Variants in TXNDC11 observed in about 807,000 individuals in gnomAD.
The protein encoded by TXNDC11 is thioredoxin domain-containing protein 11.
Under a neutral mutation model 78.0 loss-of-function variants are expected in TXNDC11, and 68 were observed. That is an observed-to-expected ratio of 0.87 (90% CI 0.72 to 1.07). The LOEUF is 1.07. Among genes scored for constraint, TXNDC11 ranks in the 50% least tolerant of loss-of-function variants. TXNDC11 has a pLI of 0.00. For synonymous variants in TXNDC11, 571 were observed against 495.2 expected, an observed-to-expected ratio of 1.15 and a Z score of -2.03; for missense variants, 1,389 against 1,221.8, an observed-to-expected ratio of 1.14 and a Z score of -2.04.
At position 11,691,568 on chromosome 16, in the gene TXNDC11, C is replaced by G. The variant is rs538319553; in HGVS notation, c.1622G>C (p.Cys541Ser). 6.2e-7 allele frequency: 1 copy of G among 1,614,210 alleles called. No homozygotes were observed. The highest frequency in any genetic ancestry group is 2.2e-5 in the East Asian group (1 of 44,892). The change falls in exon 8 of 12, where the codon TGT becomes TCT. Residue 541 changes from cysteine (C) to serine (S), a missense_variant. Cys to Ser is a moderately radical substitution (Grantham distance 112). Coordinates refer to ENST00000283033, the MANE Select transcript of TXNDC11 (RefSeq NM_015914.7). ...TVAFSSLEKK[C>S]EVDAPSSVPH... is the part of the protein sequence containing the mutation. ...AACGGAGCTTGGGGCATCAACCTCA[C>G]ATTTCTTCTCAAGGGAAGAAAATGC...
intron 7 of TXNDC11, 76 bp from the exon 8 acceptor site, chr16:11,692,158 T>G: frequency 8.4e-7 from 1 of 1,189,324 alleles, no homozygotes; most frequent in African/African-American, 1.5e-5. Flanking sequence ...ACGTTTCACT[T>G]TCTGTAATTT....
chr16:11,696,038 A>G (rs932001663), intron 7 of TXNDC11, among the ~76,000 whole-genome samples: 5 of 151,820 alleles, frequency 3.3e-5, no homozygotes, highest in African/African-American at 4.8e-5. Context: ...AAAAAAAAAA[A>G]AGAGAAGACA....
intron 5 of TXNDC11, among the ~76,000 whole-genome samples, chr16:11,711,985 G>T (rs901093803): frequency 6.6e-6 from 1 of 152,016 alleles, no homozygotes; most frequent in Non-Finnish European, 1.5e-5. Context: ...TCTGCACGGA[G>T]CTGTTTGACT....
intron 10 of TXNDC11, 70 bp from the exon 11 acceptor site, chr16:11,684,315 A>C: frequency 8.4e-7 from 1 of 1,183,894 alleles, no homozygotes; most frequent in Non-Finnish European, 1.2e-6. Context: ...GAACCTTCTC[A>C]GATAACTTCA....
intron 5 of TXNDC11, among the ~76,000 whole-genome samples, chr16:11,701,433 G>C (rs527636384): frequency 2.0e-5 from 3 of 151,946 alleles, no homozygotes; most frequent in African/African-American, 7.3e-5. Flanking sequence ...CACCACACTC[G>C]GCCCAATTTC....
rs2051426736 is a variant in TXNDC11 at position 11,713,399 on chromosome 16, G to A, written c.793+8178C>T. Among the ~76,000 whole-genome samples, 4 of 152,118 alleles carry A rather than the reference G, an allele frequency of 2.6e-5. No homozygotes were observed. In the South Asian group the frequency reaches 8.3e-4, roughly 32 times the overall value. On this transcript the variant is annotated intron_variant, in intron 5 of 11. Transcript: ENST00000283033. ...ATTAAACAGTCAGTTTTAGGTGTGG[G>A]GACATAAAGTATGGAATTTTTTTTC... is the stretch of plus-strand genomic sequence containing the variant.
At chr16:11,681,753 G>A (rs2050431113) in intron 11 of TXNDC11, among the ~76,000 whole-genome samples, 4 of 152,338 alleles carry the variant, frequency 2.6e-5, no homozygotes, top group African/African-American at 9.6e-5. Flanking sequence ...GTGCTGGCTG[G>A]AGGAGCACCT....
chr16:11,735,932 T>C (rs1449893765), intron 2 of TXNDC11, 85 bp downstream of exon 2: 7 of 1,362,066 alleles, frequency 5.1e-6, no homozygotes, highest in Non-Finnish European at 6.2e-6. Flanking sequence ...AGTCTGCCCG[T>C]TGGGCAAGGT....
At chr16:11,729,695 G>C (rs908751070) in intron 4 of TXNDC11, among the ~76,000 whole-genome samples, 4 of 152,136 alleles carry the variant, frequency 2.6e-5, no homozygotes, top group African/African-American at 9.7e-5. Context: ...TTTTACACTT[G>C]CTCCAGTGAA....
chr16:11,690,998 T>C, intron 8 of TXNDC11: 1 of 401,560 alleles, frequency 2.5e-6, no homozygotes, highest in Non-Finnish European at 4.5e-6. Context: ...TGCAGCTGGT[T>C]CTACCTTAGA....
At chr16:11,742,229 C>A in intron 1 of TXNDC11, 1 of 427,292 alleles carries the variant, frequency 2.3e-6, no homozygotes. Flanking sequence ...GACCCGCCTC[C>A]CTCGGCACTA....
At chr16:11,688,960 T>C (rs2050638626) in intron 8 of TXNDC11, among the ~76,000 whole-genome samples, 2 of 152,204 alleles carry the variant, frequency 1.3e-5, no homozygotes, top group African/African-American at 2.4e-5. Context: ...GAAAAAATTA[T>C]ATGTAGTGGA....
At position 11,730,761 on chromosome 16, in the gene TXNDC11, C is replaced by G. The variant is rs570693250; in HGVS notation, c.583G>C (p.Glu195Gln). 24 of 1,597,484 alleles carry G rather than the reference C, an allele frequency of 1.5e-5. No homozygotes were observed. In the East Asian group the frequency reaches 5.4e-4, roughly 36 times the overall value. ...YLYHRSFGPI[E>Q]YKGPMSAVYI... ...ACAGCACTCATGGGGCCTTTGTATTCGATTGGTCCAAAACTAGTACCAAAA... is the reference window on the plus strand; with the variant it reads ...ACAGCACTCATGGGGCCTTTGTATTGGATTGGTCCAAAACTAGTACCAAAA... The change falls in exon 4 of 12, where the codon GAA (glutamate) becomes CAA (glutamine). Residue 195 changes from glutamate (E) to glutamine (Q), a missense_variant. By Grantham distance (29) the Glu-to-Gln change is conservative. Transcript: ENST00000283033.
At chr16:11,709,163 T>C (rs1283441313) in intron 5 of TXNDC11, among the ~76,000 whole-genome samples, 1 of 152,042 alleles carries the variant, frequency 6.6e-6, no homozygotes, top group Non-Finnish European at 1.5e-5. Flanking sequence ...ACAAAGCAAT[T>C]ATTTAGAAAA....
At chr16:11,711,804 G>C (rs576764522) in intron 5 of TXNDC11, among the ~76,000 whole-genome samples, 61 of 152,232 alleles carry the variant, frequency 4.0e-4, no homozygotes, top group Non-Finnish European at 7.8e-4. Context: ...TCAGAGCTTC[G>C]GTTTCTCCAT....
In TXNDC11 at chr16:11,679,610, T is replaced by C; in HGVS notation, c.2462A>G (p.Gln821Arg). 1 of 1,614,178 alleles carries C rather than the reference T, an allele frequency of 6.2e-7. No individual in the cohort carries two copies. The highest frequency in any genetic ancestry group is 8.5e-7 in the Non-Finnish European group (1 of 1,180,030). Residue 821 changes from glutamine (Q) to arginine (R), a missense_variant, in exon 12 of 12, where the codon CAA becomes CGA. Gln to Arg is a conservative substitution (Grantham distance 43). Coordinates refer to ENST00000283033, the MANE Select transcript of TXNDC11 (RefSeq NM_015914.7). The surrounding 1 kb of genome is among the most constrained non-coding windows in gnomAD (Gnocchi z 4.6). ...RAEISSLQRA[Q>R]VQVESQLSSA... Reference sequence around the variant, plus strand: ...GGAGAGCTGGGACTCCACCTGCACTTGTGCTCGCTGGAGGCTGCTTATTTC... The same window carrying C: ...GGAGAGCTGGGACTCCACCTGCACTCGTGCTCGCTGGAGGCTGCTTATTTC...
chr16:11,693,771 C>CT (rs1395443982), intron 7 of TXNDC11, among the ~76,000 whole-genome samples: 1 of 152,194 alleles, frequency 6.6e-6, no homozygotes, highest in African/African-American at 2.4e-5. Flanking sequence ...GGATGAGGCT[C>CT]TGACAGCATG....
intron 3 of TXNDC11, among the ~76,000 whole-genome samples, chr16:11,733,323 T>G (rs1453515653): frequency 6.6e-6 from 1 of 151,960 alleles, no homozygotes. Context: ...TTTGTGACTT[T>G]AGAATTGTGG....
chr16:11,716,375 A>G (rs1324053504), intron 5 of TXNDC11, among the ~76,000 whole-genome samples: 4 of 152,290 alleles, frequency 2.6e-5, no homozygotes, highest in African/African-American at 9.6e-5. Context: ...AAGCAACTTC[A>G]GAATATGACC....
Sources: allele counts gnomAD v4.1 joint callset (sites outside exome capture counted in the v4.1 genomes callset), GRCh38; gene constraint gnomAD v4.1.1; non-coding constraint Gnocchi (gnomAD v3.1); transcripts MANE v1.5; gene names NCBI Gene and HGNC (gene_info 2026-07-23, HGNC 2026-07-21).